Variants in RGS7BP observed in about 807,000 individuals in gnomAD.
RGS7BP encodes the protein regulator of G protein signaling 7-binding protein.
RGS7BP carries 9 observed loss-of-function variants against 31.3 expected under a neutral mutation model. That is an observed-to-expected ratio of 0.29 (90% CI 0.17 to 0.50). The LOEUF (loss-of-function observed/expected upper bound fraction) is 0.50, where lower values mean the gene tolerates loss of function less well. Among genes scored for constraint, RGS7BP ranks in the 20% least tolerant of loss-of-function variants. RGS7BP has a pLI of 0.98. For missense variants in RGS7BP, 274 were observed against 322.0 expected (o/e 0.85, Z 1.14); for synonymous variants, 115 against 120.1 (o/e 0.96, Z 0.28).
At chr5:64,563,489 GCA>G (rs1244257973) in intron 2 of RGS7BP, among the ~76,000 whole-genome samples, 2 of 152,124 alleles carry the variant, frequency 1.3e-5, no homozygotes, top group African/African-American at 4.8e-5. Flanking sequence ...ATGTGGACAT[GCA>G]CACACAGAGA....
intron 5 of RGS7BP, among the ~76,000 whole-genome samples, chr5:64,600,743 G>A (rs1279205319): frequency 6.6e-6 from 1 of 152,316 alleles, no homozygotes; most frequent in East Asian, 1.9e-4. Context: ...TTTCTTCACT[G>A]AGGGGAGAAA....
chr5:64,597,226 T>C (rs1160312521), intron 4 of RGS7BP, among the ~76,000 whole-genome samples: 1 of 152,106 alleles, frequency 6.6e-6, no homozygotes, highest in Non-Finnish European at 1.5e-5. Flanking sequence ...AGTTCTCCCC[T>C]ACCTTAGACT....
rs745775006 is a variant in RGS7BP, at chr5:64,609,195, C to G, written c.717C>G (p.Pro239=). The stretch of plus-strand genomic sequence containing the variant: ...GCCTTCTGAATCTAACTCCCTACCC[C>G]CTGGTGAGAAGACGGAAGAGAAGGT... ...DSSLLNLTPY[P]LVRRRKRRFF... The change falls in exon 6 of 6, where the codon CCC becomes CCG. Residue 239 remains proline (P), a synonymous_variant. Coordinates refer to ENST00000334025, the MANE Select transcript of RGS7BP (RefSeq NM_001029875.3). 8 of 1,611,566 alleles carry G rather than the reference C, an allele frequency of 5.0e-6. No individual in the cohort carries two copies. Among genetic ancestry groups the G allele is most frequent in the South Asian group, 3.3e-5 (3 of 91,000 alleles).
At chr5:64,541,003 G>C (rs962790943) in intron 2 of RGS7BP, among the ~76,000 whole-genome samples, 1 of 152,178 alleles carries the variant, frequency 6.6e-6, no homozygotes, top group African/African-American at 2.4e-5. Flanking sequence ...TGGTGGGTGT[G>C]TTGGTCCATT....
At chr5:64,594,452 C>CT (rs1243672773) in intron 3 of RGS7BP, among the ~76,000 whole-genome samples, 1 of 152,156 alleles carries the variant, frequency 6.6e-6, no homozygotes, top group African/African-American at 2.4e-5. Context: ...AAGACAGGGG[C>CT]TTTAATATTA....
chr5:64,565,026 T>C (rs1476888175), intron 2 of RGS7BP, among the ~76,000 whole-genome samples: 2 of 152,148 alleles, frequency 1.3e-5, no homozygotes, highest in Non-Finnish European at 2.9e-5. Flanking sequence ...TTGGACCACA[T>C]GCCACTAGTA....
At chr5:64,532,834 C>G (rs534121406) in intron 2 of RGS7BP, among the ~76,000 whole-genome samples, 6 of 152,116 alleles carry the variant, frequency 3.9e-5, no homozygotes, top group African/African-American at 1.4e-4. Context: ...GAGGGCCTGT[C>G]CCACATTCAC....
At chr5:64,582,124 G>C (rs140149670) in intron 3 of RGS7BP, among the ~76,000 whole-genome samples, 63 of 152,328 alleles carry the variant, frequency 4.1e-4, no homozygotes, top group African/African-American at 1.5e-3. Context: ...GTGAAAAATA[G>C]TTGTTCTCAC....
At chr5:64,510,911 G>T (rs1361391913) in intron 2 of RGS7BP, among the ~76,000 whole-genome samples, 1 of 152,180 alleles carries the variant, frequency 6.6e-6, no homozygotes, top group Non-Finnish European at 1.5e-5. Flanking sequence ...CTCTGTGTAG[G>T]AATACAAGTG....
chr5:64,592,244 A>G (rs1742939297), intron 3 of RGS7BP, among the ~76,000 whole-genome samples: 3 of 152,174 alleles, frequency 2.0e-5, no homozygotes, highest in Non-Finnish European at 4.4e-5. Context: ...AAACTTCTGC[A>G]GGGATTTTGT....
intron 5 of RGS7BP, among the ~76,000 whole-genome samples, chr5:64,604,299 CT>C (rs1450170727): frequency 6.6e-6 from 1 of 152,130 alleles, no homozygotes; most frequent in Non-Finnish European, 1.5e-5. Context: ...CCATAAACAT[CT>C]TTTTCCTTCT....
chr5:64,604,050 C>T (rs1323148713), intron 5 of RGS7BP, among the ~76,000 whole-genome samples: 1 of 152,198 alleles, frequency 6.6e-6, no homozygotes. Context: ...AAAGAAAGTA[C>T]AGGCATCGTT....
At chr5:64,595,098 C>A (rs1743030481) in intron 4 of RGS7BP, among the ~76,000 whole-genome samples, 1 of 152,168 alleles carries the variant, frequency 6.6e-6, no homozygotes, top group Non-Finnish European at 1.5e-5. Context: ...CCACAGTAGG[C>A]ACAGGCTCCC....
rs559961738 is a variant in RGS7BP at position 64,603,683 on chromosome 5, T to C, written c.682+5248T>C. Among the ~76,000 whole-genome samples, 179 of 152,280 alleles carry C rather than the reference T, an allele frequency of 1.2e-3. 1 individual carries two copies. The highest frequency in any genetic ancestry group is 4.1e-3 in the African/African-American group (172 of 41,564). On this transcript the variant is annotated intron_variant, in intron 5 of 5. Coordinates refer to ENST00000334025, the MANE Select transcript of RGS7BP (RefSeq NM_001029875.3). Reference sequence around the variant, plus strand: ...GATTTAACAACAAGGTAGTCACTTGTGGTGTTGGCAAAAACAGCTTTCTTG... The same window carrying C: ...GATTTAACAACAAGGTAGTCACTTGCGGTGTTGGCAAAAACAGCTTTCTTG...
At chr5:64,525,472 T>C (rs1170585393) in intron 2 of RGS7BP, among the ~76,000 whole-genome samples, 2 of 152,242 alleles carry the variant, frequency 1.3e-5, no homozygotes, top group Non-Finnish European at 2.9e-5. Flanking sequence ...AGAGGCACAA[T>C]TACCCTTTAC....
At chr5:64,608,325 C>A (rs1006713220) in intron 5 of RGS7BP, among the ~76,000 whole-genome samples, 2 of 152,018 alleles carry the variant, frequency 1.3e-5, no homozygotes, top group African/African-American at 2.4e-5. Flanking sequence ...ACTCTTTAAA[C>A]CAGATTAGAT....
chr5:64,558,831 G>A (rs925199452), intron 2 of RGS7BP, among the ~76,000 whole-genome samples: 18 of 152,106 alleles, frequency 1.2e-4, no homozygotes, highest in African/African-American at 2.9e-4. Flanking sequence ...CCACTCTGAG[G>A]GTATCTGCCT....
At chr5:64,555,550 A>G (rs929710310) in intron 2 of RGS7BP, among the ~76,000 whole-genome samples, 1 of 152,170 alleles carries the variant, frequency 6.6e-6, no homozygotes, top group Non-Finnish European at 1.5e-5. Context: ...TATAAATTAG[A>G]AAGAAATTAA....
Position 64,507,878 on chromosome 5 carries a change from G to A in RGS7BP, c.332+1G>A. On this transcript the variant is annotated splice_donor_variant, in intron 2 of 5. Coordinates refer to ENST00000334025, the MANE Select transcript of RGS7BP (RefSeq NM_001029875.3). LOFTEE classifies it high-confidence loss of function. The stretch of plus-strand genomic sequence containing the variant: ...ACCAAAAATTGGCTGCCATCTCAGG[G>A]TAGGAGACTCGGCATTATTTGGTAA... The A allele has an allele frequency of 6.2e-7, 1 of 1,610,172 alleles. No homozygotes were observed. Among genetic ancestry groups the A allele is most frequent in the Non-Finnish European group, 8.5e-7 (1 of 1,178,030 alleles).
Sources: allele counts gnomAD v4.1 joint callset (sites outside exome capture counted in the v4.1 genomes callset), GRCh38; gene constraint gnomAD v4.1.1; transcripts MANE v1.5; gene names NCBI Gene and HGNC (gene_info 2026-07-23, HGNC 2026-07-21).